OPRM1: variants seen among roughly 807,000 people sequenced by gnomAD.
OPRM1 encodes mu-type opioid receptor.
In OPRM1, 27 loss-of-function variants were observed where a neutral mutation model predicts 31.8. The observed-to-expected ratio is 0.85, with a 90% CI of 0.63 to 1.17. The LOEUF is 1.17. Among genes scored for constraint, OPRM1 ranks in the 50% most tolerant of loss-of-function variants. The probability of loss-of-function intolerance (pLI) is 0.00; values close to 1 mark genes in which losing one functional copy is unlikely to be tolerated. For synonymous variants in OPRM1, 196 were observed against 189.9 expected (o/e 1.03, Z -0.26); for missense variants, 536 against 511.1 (o/e 1.05, Z -0.47).
intron 3 of OPRM1, among the ~76,000 whole-genome samples, chr6:154,172,820 C>T (rs147451436): frequency 2.1e-3 from 313 of 152,354 alleles, no homozygotes; most frequent in African/African-American, 6.9e-3. Flanking sequence ...TCTCCCAGCA[C>T]GGCATTCGAT....
At chr6:154,187,249 C>A (rs1383275240) in intron 3 of OPRM1, among the ~76,000 whole-genome samples, 1 of 152,104 alleles carries the variant, frequency 6.6e-6, no homozygotes, top group Non-Finnish European at 1.5e-5. Context: ...CCCCATACCC[C>A]ACCTCTGTCC....
intron 3 of OPRM1, chr6:154,223,109 G>A (rs746647742): frequency 3.1e-6 from 4 of 1,282,858 alleles, no homozygotes; most frequent in South Asian, 1.2e-5. Flanking sequence ...ATCCCTTGGT[G>A]AACATTATGA....
intron 3 of OPRM1, among the ~76,000 whole-genome samples, chr6:154,113,692 T>C (rs1356520498): frequency 6.6e-6 from 1 of 152,306 alleles, no homozygotes; most frequent in South Asian, 2.1e-4. Flanking sequence ...AGAATAATTC[T>C]GGACCAAGCA....
At chr6:154,112,963 G>C (rs1465536635) in intron 3 of OPRM1, among the ~76,000 whole-genome samples, 2 of 152,164 alleles carry the variant, frequency 1.3e-5, no homozygotes, top group Non-Finnish European at 2.9e-5. Context: ...TCACAGAGAA[G>C]ACTAATAGGT....
At position 154,126,508 on chromosome 6, in the gene OPRM1, G is replaced by T. The variant is rs1797594028; in HGVS notation, c.*7787G>T. Among the ~76,000 whole-genome samples the T allele has an allele frequency of 6.6e-6, 1 of 152,166 alleles. No individual in the cohort carries two copies. The highest frequency in any genetic ancestry group is 6.5e-5 in the Admixed American group (1 of 15,274). On this transcript the variant is annotated 3_prime_UTR_variant, in exon 4 of 4. Coordinates refer to ENST00000330432, the MANE Select transcript of OPRM1 (RefSeq NM_000914.5). ...TTTGCAAAATTCAAATGTCTCATAG[G>T]CTCTTCTTCCCTGGTTCCCTCAGGA...
At chr6:154,117,858 G>GGTGTGTGTGTGTGTGT (rs60794328) in intron 3 of OPRM1, among the ~76,000 whole-genome samples, 3,133 of 145,626 alleles carry the variant, frequency 0.022, 69 homozygotes, top group African/African-American at 0.047. Context: ...TTAAAAAGAT[G>GGTGTGTGTGTGTGTGT]GTGTGTGTGT....
intron 1 of OPRM1, among the ~76,000 whole-genome samples, chr6:154,065,150 A>C (rs371050851): frequency 7.5e-6 from 1 of 133,674 alleles, no homozygotes; most frequent in African/African-American, 2.8e-5. Context: ...GTCTTCTTTA[A>C]TTTTTTTTTT....
chr6:154,012,992 T>C (rs570797807), intron 1 of OPRM1, among the ~76,000 whole-genome samples: 1 of 152,212 alleles, frequency 6.6e-6, no homozygotes, highest in South Asian at 2.1e-4. Context: ...TGCCATTATA[T>C]TGACGAATAG....
chr6:154,089,974 T>G lies in OPRM1; in HGVS notation c.439T>G (p.Ser147Ala), dbSNP rs779192575. The G allele has an allele frequency of 6.2e-7, 1 of 1,614,138 alleles. No homozygotes were observed. Among genetic ancestry groups the G allele is most frequent in the Non-Finnish European group, 8.5e-7 (1 of 1,179,974 alleles). ...FGTILCKIVI[S>A]IDYYNMFTSI... ...AACCATCCTTTGCAAGATAGTGATCTCCATAGATTACTATAACATGTTCAC... is the reference window on the plus strand; with the variant it reads ...AACCATCCTTTGCAAGATAGTGATCGCCATAGATTACTATAACATGTTCAC... The change falls in exon 2 of 4, where the codon TCC becomes GCC. Residue 147 changes from serine (S) to alanine (A), a missense_variant. By Grantham distance (99) the Ser-to-Ala change is moderately conservative. Transcript: ENST00000330432.
Position 154,039,639 on chromosome 6 carries a change from T to C in OPRM1, c.95T>C (p.Val32Ala). ...CSPAPSPGSW[V>A]NLSHLDGNLS... The stretch of plus-strand genomic sequence containing the variant: ...CCAGCACCCAGCCCCGGTTCCTGGG[T>C]CAACTTGTCCCACTTAGATGGCAAC... Residue 32 changes from valine to alanine, a missense_variant, in exon 1 of 4, where the codon GTC (valine) becomes GCC (alanine). Physicochemically the swap from Val to Ala is moderately conservative, Grantham distance 64. Coordinates refer to ENST00000330432, the MANE Select transcript of OPRM1 (RefSeq NM_000914.5). 2 of 1,613,606 alleles carry C rather than the reference T, an allele frequency of 1.2e-6. No individual in the cohort carries two copies. The highest frequency in any genetic ancestry group is 2.2e-5 in the East Asian group (1 of 44,864).
chr6:154,031,742 G>GA (rs1265845054), intron 1 of OPRM1, among the ~76,000 whole-genome samples: 17 of 151,882 alleles, frequency 1.1e-4, no homozygotes, highest in African/African-American at 4.1e-4. Flanking sequence ...CTCCGTCTCG[G>GA]AAAAAAATAA....
In OPRM1 at chr6:154,022,269, T is replaced by C. The variant is rs112665904; in HGVS notation, c.-1+11251T>C. Among the ~76,000 whole-genome samples the C allele has an allele frequency of 2.8e-3, 421 of 152,264 alleles. 1 individual carries two copies. The highest frequency in any genetic ancestry group is 0.014 in the Middle Eastern group (4 of 292). ...CCTTCTTTAGCCTGGTGCTGTGGTGTAGTTAGTCTGCTGCCACAGCCCAAG... is the reference window on the plus strand; with the variant it reads ...CCTTCTTTAGCCTGGTGCTGTGGTGCAGTTAGTCTGCTGCCACAGCCCAAG... On this transcript the variant is annotated intron_variant, in intron 1 of 5. Transcript: ENST00000434900.
At chr6:154,012,086 A>G (rs1470164403) in intron 1 of OPRM1, among the ~76,000 whole-genome samples, 1 of 152,180 alleles carries the variant, frequency 6.6e-6, no homozygotes, top group Non-Finnish European at 1.5e-5. Flanking sequence ...ATTTACAATC[A>G]TTGTTGCTTC....
At chr6:154,096,767 C>A (rs551363976) in intron 3 of OPRM1, among the ~76,000 whole-genome samples, 8 of 152,254 alleles carry the variant, frequency 5.3e-5, no homozygotes, top group Non-Finnish European at 1.0e-4. Context: ...TACTCCACAG[C>A]TTTTCTCTGC....
At chr6:154,243,964 G>A (rs967450577) in intron 3 of OPRM1, among the ~76,000 whole-genome samples, 7 of 152,156 alleles carry the variant, frequency 4.6e-5, no homozygotes, top group African/African-American at 1.4e-4. Context: ...TAAGTAACAG[G>A]TGGCTCTTCC....
chr6:154,110,301 A>T, intron 3 of OPRM1: 1 of 907,980 alleles, frequency 1.1e-6, no homozygotes, highest in South Asian at 1.4e-5. Flanking sequence ...CATTGCTAAG[A>T]ATAAGCATTA....
intron 3 of OPRM1, among the ~76,000 whole-genome samples, chr6:154,202,436 T>C (rs1777147568): frequency 6.6e-6 from 1 of 152,174 alleles, no homozygotes; most frequent in Non-Finnish European, 1.5e-5. Context: ...GTTAGCAGGA[T>C]CTACAAAATA....
chr6:154,188,208 G>C (rs964171228), intron 3 of OPRM1, among the ~76,000 whole-genome samples: 2 of 152,030 alleles, frequency 1.3e-5, no homozygotes, highest in African/African-American at 4.8e-5. Context: ...ATGTAAACCA[G>C]CAATAGTTAT....
At chr6:154,096,595 T>C (rs1365151579) in intron 3 of OPRM1, among the ~76,000 whole-genome samples, 1 of 152,142 alleles carries the variant, frequency 6.6e-6, no homozygotes, top group Non-Finnish European at 1.5e-5. Flanking sequence ...TATATGGCAA[T>C]GTACAGATTC....
Sources: gnomAD v4.1 joint callset for allele counts (sites outside exome capture counted in the v4.1 genomes callset) on GRCh38, gnomAD v4.1.1 for gene constraint, MANE v1.5 for transcripts, NCBI Gene and HGNC (gene_info 2026-07-23, HGNC 2026-07-21) for gene names.